Variants in ADCY8 observed in about 807,000 individuals in gnomAD.
ADCY8 encodes the protein adenylate cyclase type 8.
Under a neutral mutation model 119.7 loss-of-function variants are expected in ADCY8, and 51 were observed. The ratio of observed to expected loss-of-function variants is 0.43; its 90% CI spans 0.34 to 0.54. ADCY8 has a LOEUF of 0.54. Among genes scored for constraint, ADCY8 ranks in the 20% least tolerant of loss-of-function variants. The probability of loss-of-function intolerance (pLI) is 0.03; values close to 1 mark genes in which losing one functional copy is unlikely to be tolerated. For synonymous variants in ADCY8, 665 were observed against 651.0 expected, an observed-to-expected ratio of 1.02 and a Z score of -0.33; for missense variants, 1,383 against 1,598.8, an observed-to-expected ratio of 0.87 and a Z score of 2.30.
intron 3 of ADCY8, among the ~76,000 whole-genome samples, chr8:130,946,236 T>C (rs1821101906): frequency 6.6e-6 from 1 of 152,218 alleles, no homozygotes; most frequent in African/African-American, 2.4e-5. Flanking sequence ...GAGCAGATGA[T>C]AGCATCATCC....
chr8:130,908,989 CT>C (rs1819881741), intron 6 of ADCY8, among the ~76,000 whole-genome samples: 1 of 114,322 alleles, frequency 8.7e-6, no homozygotes, highest in Non-Finnish European at 1.9e-5. Flanking sequence ...GAAGTGCTCT[CT>C]CTCTCTCTCT....
intron 6 of ADCY8, among the ~76,000 whole-genome samples, chr8:130,908,285 T>C (rs1326759867): frequency 6.6e-6 from 1 of 152,212 alleles, no homozygotes; most frequent in Admixed American, 6.5e-5. Context: ...GCTTTTAAGA[T>C]ACAGGCCTGG....
At chr8:130,951,372 A>G (rs946181601) in intron 3 of ADCY8, among the ~76,000 whole-genome samples, 2 of 152,158 alleles carry the variant, frequency 1.3e-5, no homozygotes, top group African/African-American at 4.8e-5. Context: ...ATGGGGGAGT[A>G]AGTGGGAAGA....
intron 3 of ADCY8, among the ~76,000 whole-genome samples, chr8:130,946,787 G>T (rs1334982644): frequency 6.6e-6 from 1 of 152,102 alleles, no homozygotes; most frequent in Non-Finnish European, 1.5e-5. Context: ...GCCCCCAGTG[G>T]CATCTCATGA....
At chr8:131,029,382 G>C (rs1296350253) in intron 1 of ADCY8, among the ~76,000 whole-genome samples, 1 of 152,170 alleles carries the variant, frequency 6.6e-6, no homozygotes, top group Non-Finnish European at 1.5e-5. Flanking sequence ...CATGTCTGTG[G>C]AAAAATTATC....
At chr8:130,884,836 A>G (rs4128982) in intron 7 of ADCY8, 75 bp from the exon 8 acceptor site, 958,543 of 1,420,398 alleles carry the variant, frequency 0.67, 325,664 homozygotes, top group East Asian at 0.86. Context: ...AATGTTTTTA[A>G]ATCATGTTGC....
At chr8:130,890,813 GA>G (rs1161770110) in intron 7 of ADCY8, among the ~76,000 whole-genome samples, 6 of 152,188 alleles carry the variant, frequency 3.9e-5, no homozygotes, top group Non-Finnish European at 4.4e-5. Context: ...GCCAGTTGTG[GA>G]AGGAGGTTAA....
intron 12 of ADCY8, among the ~76,000 whole-genome samples, chr8:130,831,284 C>A (rs1257996562): frequency 1.3e-5 from 2 of 152,186 alleles, no homozygotes; most frequent in Non-Finnish European, 2.9e-5. Flanking sequence ...TAATTGGACA[C>A]CTTGCCAGAT....
intron 7 of ADCY8, among the ~76,000 whole-genome samples, chr8:130,887,760 G>T (rs1481176956): frequency 1.3e-5 from 2 of 152,018 alleles, no homozygotes; most frequent in African/African-American, 4.8e-5. Context: ...ACTATGATTT[G>T]GGATTATCTG....
chr8:130,987,249 G>C (rs1330459996), intron 2 of ADCY8, among the ~76,000 whole-genome samples: 1 of 152,070 alleles, frequency 6.6e-6, no homozygotes, highest in African/African-American at 2.4e-5. Context: ...TGTCAGCTCA[G>C]GTAAAATTTT....
chr8:131,023,175 C>G (rs1392858922), intron 1 of ADCY8, among the ~76,000 whole-genome samples: 4 of 152,144 alleles, frequency 2.6e-5, no homozygotes, highest in Non-Finnish European at 5.9e-5. Flanking sequence ...AATGCAGATT[C>G]AGATATGGTA....
rs1259673084 is a variant in ADCY8, at chr8:130,783,754, C to T, written c.3205G>A (p.Ala1069Thr). The change falls in exon 17 of 18, where the codon GCC becomes ACC. Residue 1069 changes from alanine (A) to threonine (T), a missense_variant. Physicochemically the swap from Ala to Thr is moderately conservative, Grantham distance 58. Around this residue, in one of 2 missense-constraint regions of ADCY8, gnomAD observed 928 missense variants for 1,163.5 expected, o/e 0.80. Coordinates refer to ENST00000286355, the MANE Select transcript of ADCY8 (RefSeq NM_001115.3). ...HLCALADFSL[A>T]LTESIQEINK... ...ATCTCCTGTATGCTTTCTGTCAGGG[C>T]GAGTGAGAAGTCAGCCAGAGCACAC... 1.2e-5 allele frequency: 19 copies of T among 1,613,804 alleles called. No individual in the cohort carries two copies. The highest frequency in any genetic ancestry group is 5.5e-5 in the South Asian group (5 of 91,032).
intron 2 of ADCY8, among the ~76,000 whole-genome samples, chr8:130,979,679 A>G (rs111766701): frequency 6.6e-6 from 1 of 152,198 alleles, no homozygotes; most frequent in African/African-American, 2.4e-5. Flanking sequence ...TTTAGCCTCT[A>G]TGTTTTTCAA....
intron 5 of ADCY8, among the ~76,000 whole-genome samples, chr8:130,928,732 A>T (rs1009657955): frequency 1.3e-5 from 2 of 152,148 alleles, no homozygotes; most frequent in Non-Finnish European, 2.9e-5. Flanking sequence ...TTTGTAATTA[A>T]TCAGGAATAT....
intron 9 of ADCY8, among the ~76,000 whole-genome samples, chr8:130,856,329 C>T (rs1045931670): frequency 1.4e-4 from 22 of 151,932 alleles, no homozygotes; most frequent in Non-Finnish European, 3.1e-4. Flanking sequence ...TGTATATCCC[C>T]ATCACTATCC....
intron 7 of ADCY8, among the ~76,000 whole-genome samples, chr8:130,894,799 T>C (rs12155612): frequency 1.6e-4 from 24 of 152,110 alleles, no homozygotes; most frequent in African/African-American, 5.5e-4. Flanking sequence ...GGGAAGACCC[T>C]TGTGTTTGTG....
intron 1 of ADCY8, among the ~76,000 whole-genome samples, chr8:131,007,371 C>T (rs1398417834): frequency 6.6e-6 from 1 of 152,106 alleles, no homozygotes; most frequent in Non-Finnish European, 1.5e-5. Context: ...ATTTTACCTG[C>T]AAGGAGACAT....
rs775874669 is a variant in ADCY8 at position 130,884,592 on chromosome 8, A to G, written c.2081T>C (p.Met694Thr). 13 of 1,613,698 alleles carry G rather than the reference A, an allele frequency of 8.1e-6. No individual in the cohort carries two copies. The highest frequency in any genetic ancestry group is 1.7e-5 in the Admixed American group (1 of 59,966). ...RREHIKPFSL[M>T]FKDSSLEHKY... Reference sequence around the variant, plus strand: ...GTGCTCCAGGCTGGAGTCTTTAAACATCAGTGAGAATGGCTTGATATGCTC... The same window carrying G: ...GTGCTCCAGGCTGGAGTCTTTAAACGTCAGTGAGAATGGCTTGATATGCTC... Residue 694 changes from methionine (M) to threonine (T), a missense_variant, in exon 8 of 18, where the codon ATG becomes ACG. Met to Thr is a moderately conservative substitution (Grantham distance 81, BLOSUM62 -1). Coordinates refer to ENST00000286355, the MANE Select transcript of ADCY8 (RefSeq NM_001115.3).
At chr8:130,930,255 ATT>A (rs754342584) in intron 5 of ADCY8, among the ~76,000 whole-genome samples, 2 of 141,750 alleles carry the variant, frequency 1.4e-5, no homozygotes, top group African/African-American at 2.6e-5. Flanking sequence ...CTTCTTCTAC[ATT>A]TTTTTTTTTT....
Sources: gnomAD v4.1 joint callset for allele counts (sites outside exome capture counted in the v4.1 genomes callset) on GRCh38, gnomAD v4.1.1 for gene constraint, gnomAD v4.1.1 regional missense constraint, MANE v1.5 for transcripts, NCBI Gene and HGNC (gene_info 2026-07-23, HGNC 2026-07-21) for gene names.